DMRTA2: variants seen among roughly 807,000 people sequenced by gnomAD.
The protein encoded by DMRTA2 is doublesex- and mab-3-related transcription factor A2.
Under a neutral mutation model 29.7 loss-of-function variants are expected in DMRTA2, and 10 were observed. The ratio of observed to expected loss-of-function variants is 0.34; its 90% CI spans 0.21 to 0.57. The LOEUF (loss-of-function observed/expected upper bound fraction) is 0.57, where lower values mean the gene tolerates loss of function less well. Ranked by LOEUF, DMRTA2 falls within the 20% of genes least tolerant of loss-of-function variation. The probability of loss-of-function intolerance (pLI) is 0.87; values close to 1 mark genes in which losing one functional copy is unlikely to be tolerated. For synonymous variants in DMRTA2, 469 were observed against 402.6 expected, an observed-to-expected ratio of 1.16 and a Z score of -1.97; for missense variants, 783 against 812.1, an observed-to-expected ratio of 0.96 and a Z score of 0.44.
At position 50,421,426 on chromosome 1, in the gene DMRTA2, C is replaced by CGCCGCGGCT; in HGVS notation, c.102_110dup (p.Ala38_Ala40dup). ...CGCTCACCGGTAGCGATGCAGCGGC[C>CGCCGCGGCT]GCCGCGGCTGCCGCCACCGACGCCA... is the stretch of plus-strand genomic sequence containing the variant. On this transcript the variant is annotated inframe_insertion, in exon 2 of 3. Transcript: ENST00000404795. The surrounding 1 kb of genome is among the most constrained non-coding windows in gnomAD (Gnocchi z 8.7). The CGCCGCGGCT allele has an allele frequency of 2.9e-6, 4 of 1,356,960 alleles. No individual in the cohort carries two copies. The highest frequency in any genetic ancestry group is 3.8e-6 in the Non-Finnish European group (4 of 1,057,464). 84.1% of individuals were successfully genotyped at this position (1,356,960 alleles called of 1,614,324 possible).
chr1:50,418,631 GTT>G lies in DMRTA2; in HGVS notation c.*32_*33del. 7.3e-7 allele frequency: 1 copy of G among 1,366,264 alleles called. No homozygotes were observed. Among genetic ancestry groups the G allele is most frequent in the East Asian group, 3.1e-5 (1 of 32,780 alleles). 84.6% of individuals were successfully genotyped at this position (1,366,264 alleles called of 1,614,324 possible). A position where few individuals can be genotyped will look rare whatever the true frequency, so the allele number is the denominator to read the frequency against. On this transcript the variant is annotated 3_prime_UTR_variant, in exon 3 of 3. Transcript: ENST00000404795. ...CCGCGGGAACAGGGCTGGGGTTCCT[GTT>G]TGGGGACCGGCCGGCTGCCAGGCCC... is the stretch of plus-strand genomic sequence containing the variant.
At position 50,421,425 on chromosome 1, in the gene DMRTA2, C is replaced by A; in HGVS notation, c.112G>T (p.Ala38Ser). The stretch of plus-strand genomic sequence containing the variant: ...ACGCTCACCGGTAGCGATGCAGCGG[C>A]CGCCGCGGCTGCCGCCACCGACGCC... ...SVASVAAAAAAAASLPVSVAG... is the reference protein window; with the variant it reads ...SVASVAAAAASAASLPVSVAG... The change falls in exon 2 of 3, where the codon GCC becomes TCC. Residue 38 changes from alanine (A) to serine (S), a missense_variant. Ala to Ser is a moderately conservative substitution (Grantham distance 99). Coordinates refer to ENST00000404795, the MANE Select transcript of DMRTA2 (RefSeq NM_032110.3). This position sits in a 1 kb window ranked among gnomAD's most constrained non-coding sequence, Gnocchi z 8.7. 7.3e-7 allele frequency: 1 copy of A among 1,360,796 alleles called. No individual in the cohort carries two copies. Among genetic ancestry groups the A allele is most frequent in the Non-Finnish European group, 9.4e-7 (1 of 1,059,298 alleles). The allele number at this position is 1,360,796 out of a possible 1,614,324, so 84.3% of individuals were successfully genotyped here.
rs959796864 is a variant in DMRTA2 at position 50,422,338 on chromosome 1, T to G, written c.-9+778A>C. On this transcript the variant is annotated intron_variant, in intron 1 of 2. Coordinates refer to ENST00000404795, the MANE Select transcript of DMRTA2 (RefSeq NM_032110.3). This position sits in a 1 kb window ranked among gnomAD's most constrained non-coding sequence, Gnocchi z 5.7. The stretch of plus-strand genomic sequence containing the variant: ...AATTTAGCTTAGGACTGGGAAGTAT[T>G]AAAGAGAAAAATTCGGCCAAAGAAA... Among the ~76,000 whole-genome samples, 4 of 152,070 alleles carry G rather than the reference T, an allele frequency of 2.6e-5. No individual in the cohort carries two copies. Among genetic ancestry groups the G allele is most frequent in the Non-Finnish European group, 5.9e-5 (4 of 68,010 alleles).
rs1404005579 is a variant in DMRTA2, at chr1:50,422,590, G to A, written c.-9+526C>T. ...GTAGTCGGGGCGGAAGACGTATCCT[G>A]CGAAAAGTTAGGCATTTCGGGAGGG... On this transcript the variant is annotated intron_variant, in intron 1 of 2. Coordinates refer to ENST00000404795, the MANE Select transcript of DMRTA2 (RefSeq NM_032110.3). This position sits in a 1 kb window ranked among gnomAD's most constrained non-coding sequence, Gnocchi z 5.7. 1.3e-5 allele frequency among the ~76,000 whole-genome samples: 2 copies of A among 152,162 alleles called. No individual in the cohort carries two copies. Among genetic ancestry groups the A allele is most frequent in the Non-Finnish European group, 2.9e-5 (2 of 68,026 alleles).
At position 50,422,885 on chromosome 1, in the gene DMRTA2, C is replaced by G. The variant is rs888036035; in HGVS notation, c.-9+231G>C. Among the ~76,000 whole-genome samples, 2 of 152,224 alleles carry G rather than the reference C, an allele frequency of 1.3e-5. No homozygotes were observed. Among genetic ancestry groups the G allele is most frequent in the East Asian group, 3.9e-4 (2 of 5,180 alleles). On this transcript the variant is annotated intron_variant, in intron 1 of 2. Coordinates refer to ENST00000404795, the MANE Select transcript of DMRTA2 (RefSeq NM_032110.3). The surrounding 1 kb of genome is among the most constrained non-coding windows in gnomAD (Gnocchi z 5.7). ...CCATAAGGCCCAAGCAGGCCCAGCT[C>G]CCCGCTTCTGCCGCGGTCTCCTCTG...
chr1:50,418,323 G>T lies in DMRTA2; in HGVS notation c.*342C>A. On this transcript the variant is annotated 3_prime_UTR_variant, in exon 3 of 3. Transcript: ENST00000404795. Reference sequence around the variant, plus strand: ...CTGAGAGCCGGATGAGCACAGCTAAGGAGCCGCAGGAGCCTGCGCTGCTGT... The same window carrying T: ...CTGAGAGCCGGATGAGCACAGCTAATGAGCCGCAGGAGCCTGCGCTGCTGT... 4.6e-6 allele frequency: 1 copy of T among 219,616 alleles called. No individual in the cohort carries two copies. Among genetic ancestry groups the T allele is most frequent in the Non-Finnish European group, 8.9e-6 (1 of 112,692 alleles). 13.6% of individuals were successfully genotyped at this position (219,616 alleles called of 1,614,324 possible). A position where few individuals can be genotyped will look rare whatever the true frequency, so the allele number is the denominator to read the frequency against.
chr1:50,421,077 A>T lies in DMRTA2; in HGVS notation c.460T>A (p.Tyr154Asn). ...ANGIIPPRPA[Y>N]EVFGSVCAAD... is the part of the protein sequence containing the mutation. ...GCGCACACTGAACCGAAGACCTCGT[A>T]GGCGGGCCTCGGGGGGATGATGCCG... The change falls in exon 2 of 3, where the codon TAC becomes AAC. Residue 154 changes from tyrosine to asparagine, a missense_variant. Physicochemically the swap from Tyr to Asn is moderately radical, Grantham distance 143 (BLOSUM62 -2). Around this residue, in one of 3 missense-constraint regions of DMRTA2, gnomAD observed 667 missense variants for 624.8 expected, o/e 1.07. Transcript: ENST00000404795. This position sits in a 1 kb window ranked among gnomAD's most constrained non-coding sequence, Gnocchi z 8.7. 1 of 1,522,062 alleles carries T rather than the reference A, an allele frequency of 6.6e-7. No individual in the cohort carries two copies. Among genetic ancestry groups the T allele is most frequent in the Non-Finnish European group, 8.8e-7 (1 of 1,140,252 alleles). 94.3% of individuals were successfully genotyped at this position (1,522,062 alleles called of 1,614,324 possible). A position where few individuals can be genotyped will look rare whatever the true frequency, so the allele number is the denominator to read the frequency against.
In DMRTA2 at chr1:50,420,667, C is replaced by T. The variant is rs1646030397; in HGVS notation, c.559+311G>A. On this transcript the variant is annotated intron_variant, in intron 2 of 2. Transcript: ENST00000404795. This position sits in a 1 kb window ranked among gnomAD's most constrained non-coding sequence, Gnocchi z 4.1. Reference sequence around the variant, plus strand: ...GCGAACGAAGATGCGCAGGTTTCCACCTGGGGAGAAGACGAAGCAAAGAAG... The same window carrying T: ...GCGAACGAAGATGCGCAGGTTTCCATCTGGGGAGAAGACGAAGCAAAGAAG... Among the ~76,000 whole-genome samples the T allele has an allele frequency of 6.6e-6, 1 of 152,078 alleles. No homozygotes were observed. Among genetic ancestry groups the T allele is most frequent in the Non-Finnish European group, 1.5e-5 (1 of 68,008 alleles).
rs1316784810 is a variant in DMRTA2 at position 50,418,859 on chromosome 1, C to A, written c.1435G>T (p.Gly479Cys). The A allele has an allele frequency of 6.5e-7, 1 of 1,541,934 alleles. No individual in the cohort carries two copies. ...GAGTAGGGCGCCATGAAGGCCAGAC[C>A]GCGGCTGTGCGCCGCCGCCGCGGAG... ...AYSAAAAHSR[G>C]LAFMAPYSTA... Residue 479 changes from glycine (G) to cysteine (C), a missense_variant, in exon 3 of 3, where the codon GGT becomes TGT. Coordinates refer to ENST00000404795, the MANE Select transcript of DMRTA2 (RefSeq NM_032110.3).
rs1646007256 is a variant in DMRTA2 at position 50,418,707 on chromosome 1, G to A, written c.1587C>T (p.Gly529=). Residue 529 remains glycine, a synonymous_variant, in exon 3 of 3, where the codon GGC becomes GGT. Transcript: ENST00000404795. Reference sequence around the variant, plus strand: ...CGCCGTTGACCATAGGCCCGTACAGGCCGCCGCCGTAGGTCGGCTCCTTGT... The same window carrying A: ...CGCCGTTGACCATAGGCCCGTACAGACCGCCGCCGTAGGTCGGCTCCTTGT... ...AVHKEPTYGG[G]LYGPMVNGAP... 6.7e-7 allele frequency: 1 copy of A among 1,502,444 alleles called. No individual in the cohort carries two copies. The highest frequency in any genetic ancestry group is 8.8e-7 in the Non-Finnish European group (1 of 1,130,932). The allele number at this position is 1,502,444 out of a possible 1,614,324, so 93.1% of individuals were successfully genotyped here. A position where few individuals can be genotyped will look rare whatever the true frequency, so the allele number is the denominator to read the frequency against.
chr1:50,419,700 C>T lies in DMRTA2; in HGVS notation c.594G>A (p.Lys198=). 6.7e-7 allele frequency: 1 copy of T among 1,499,516 alleles called. No homozygotes were observed. The highest frequency in any genetic ancestry group is 8.9e-7 in the Non-Finnish European group (1 of 1,128,846). The allele number at this position is 1,499,516 out of a possible 1,614,324, so 92.9% of individuals were successfully genotyped here. ...CCGGGCGGCCTGCCTGCAGCAGCGT[C>T]TTAGGAAACAGGTCAAACTTCTGCA... ...AKLQKFDLFP[K]TLLQAGRPGS... Residue 198 remains lysine, a synonymous_variant, in exon 3 of 3, where the codon AAG becomes AAA. Transcript: ENST00000404795. The surrounding 1 kb of genome is among the most constrained non-coding windows in gnomAD (Gnocchi z 6.1).
At position 50,419,122 on chromosome 1, in the gene DMRTA2, G is replaced by C. The variant is rs1487178666; in HGVS notation, c.1172C>G (p.Ala391Gly). 1.7e-6 allele frequency: 2 copies of C among 1,194,824 alleles called. No individual in the cohort carries two copies. The highest frequency in any genetic ancestry group is 2.1e-6 in the Non-Finnish European group (2 of 969,292). 74.0% of individuals were successfully genotyped at this position (1,194,824 alleles called of 1,614,324 possible). Residue 391 changes from alanine (A) to glycine (G), a missense_variant, in exon 3 of 3, where the codon GCC becomes GGC. Ala to Gly is a moderately conservative substitution (Grantham distance 60). Transcript: ENST00000404795. This position sits in a 1 kb window ranked among gnomAD's most constrained non-coding sequence, Gnocchi z 6.1. ...CCCCCCGGCGGCGGCGGCGGCGGCG[G>C]CGGCGGCGTCGACGCGGCTGGGCCA... ...DAWPSRVDAA[A>G]AAAAAAGGPG...
rs1572735621 is a variant in DMRTA2, at chr1:50,421,751, C to T, written c.-8-207G>A. ...CTTCACCCCAGTCTGGCCATGGCTG[C>T]TCTTAGACCTGATATACACGCTAGG... On this transcript the variant is annotated intron_variant, in intron 1 of 2. Transcript: ENST00000404795. This position sits in a 1 kb window ranked among gnomAD's most constrained non-coding sequence, Gnocchi z 8.7. The T allele has an allele frequency of 2.4e-6, 1 of 418,394 alleles. No individual in the cohort carries two copies. The highest frequency in any genetic ancestry group is 4.1e-5 in the East Asian group (1 of 24,270). 25.9% of individuals were successfully genotyped at this position (418,394 alleles called of 1,614,324 possible).
Position 50,418,490 on chromosome 1 carries a change from C to T in DMRTA2, c.*175G>A. 2.2e-6 allele frequency: 1 copy of T among 457,190 alleles called. No individual in the cohort carries two copies. Among genetic ancestry groups the T allele is most frequent in the Non-Finnish European group, 3.6e-6 (1 of 278,758 alleles). 28.3% of individuals were successfully genotyped at this position (457,190 alleles called of 1,614,324 possible). On this transcript the variant is annotated 3_prime_UTR_variant, in exon 3 of 3. Transcript: ENST00000404795. The stretch of plus-strand genomic sequence containing the variant: ...ACCTGCACCTGTCTGTAGCTGCTCC[C>T]CCTTTGCTCAGCCTTCCCCACCCAC...
rs1296367872 is a variant in DMRTA2, at chr1:50,419,097, C to A, written c.1197G>T (p.Gly399=). ...CCTGCAGCGGCGCAGGCAGCCCAGG[C>A]CCCCCGGCGGCGGCGGCGGCGGCGG... ...AAAAAAAAAG[G]PGLPAPLQAG... Residue 399 remains glycine (G), a synonymous_variant, in exon 3 of 3, where the codon GGG becomes GGT. Coordinates refer to ENST00000404795, the MANE Select transcript of DMRTA2 (RefSeq NM_032110.3). The surrounding 1 kb of genome is among the most constrained non-coding windows in gnomAD (Gnocchi z 6.1). 5.0e-6 allele frequency: 6 copies of A among 1,205,588 alleles called. No individual in the cohort carries two copies. In the Admixed American group the frequency reaches 1.8e-4, roughly 37 times the overall value. 74.7% of individuals were successfully genotyped at this position (1,205,588 alleles called of 1,614,324 possible).
rs1646025817 is a variant in DMRTA2 at position 50,420,238 on chromosome 1, T to G, written c.560-504A>C. On this transcript the variant is annotated intron_variant, in intron 2 of 2. Transcript: ENST00000404795. The surrounding 1 kb of genome is among the most constrained non-coding windows in gnomAD (Gnocchi z 4.1). Reference sequence around the variant, plus strand: ...CAGGCAGAAGTACAGCCCCTGTTTCTAATCCACCCTTTCCAAAATTGAGAC... The same window carrying G: ...CAGGCAGAAGTACAGCCCCTGTTTCGAATCCACCCTTTCCAAAATTGAGAC... 6.6e-6 allele frequency among the ~76,000 whole-genome samples: 1 copy of G among 152,204 alleles called. No individual in the cohort carries two copies. The highest frequency in any genetic ancestry group is 2.1e-4 in the South Asian group (1 of 4,830).
rs1442480078 is a variant in DMRTA2 at position 50,422,696 on chromosome 1, C to G, written c.-9+420G>C. On this transcript the variant is annotated intron_variant, in intron 1 of 2. Transcript: ENST00000404795. The surrounding 1 kb of genome is among the most constrained non-coding windows in gnomAD (Gnocchi z 5.7). ...ACAGAGTCGTCAGACACGCCCTCCCCGTCTTGGGGTCCCAGGGGACCCCTC... is the reference window on the plus strand; with the variant it reads ...ACAGAGTCGTCAGACACGCCCTCCCGGTCTTGGGGTCCCAGGGGACCCCTC... Among the ~76,000 whole-genome samples the G allele has an allele frequency of 6.6e-6, 1 of 152,204 alleles. No homozygotes were observed. Among genetic ancestry groups the G allele is most frequent in the Non-Finnish European group, 1.5e-5 (1 of 68,026 alleles).
Position 50,422,269 on chromosome 1 carries a change from C to A in DMRTA2, c.-8-725G>T, listed in dbSNP as rs1345867521. Among the ~76,000 whole-genome samples, 1 of 152,142 alleles carries A rather than the reference C, an allele frequency of 6.6e-6. No individual in the cohort carries two copies. Among genetic ancestry groups the A allele is most frequent in the African/African-American group, 2.4e-5 (1 of 41,430 alleles). On this transcript the variant is annotated intron_variant, in intron 1 of 2. Coordinates refer to ENST00000404795, the MANE Select transcript of DMRTA2 (RefSeq NM_032110.3). The surrounding 1 kb of genome is among the most constrained non-coding windows in gnomAD (Gnocchi z 5.7). Reference sequence around the variant, plus strand: ...CGTAAAAATGTGAGCGCCAAAAGTTCCACGGTGAGGGCCTCCAGAGAGTGA... The same window carrying A: ...CGTAAAAATGTGAGCGCCAAAAGTTACACGGTGAGGGCCTCCAGAGAGTGA...
In DMRTA2 at chr1:50,418,340, C is replaced by T; in HGVS notation, c.*325G>A. On this transcript the variant is annotated 3_prime_UTR_variant, in exon 3 of 3. Coordinates refer to ENST00000404795, the MANE Select transcript of DMRTA2 (RefSeq NM_032110.3). Reference sequence around the variant, plus strand: ...ACAGCTAAGGAGCCGCAGGAGCCTGCGCTGCTGTCGCAGCCTCTGAATTCT... The same window carrying T: ...ACAGCTAAGGAGCCGCAGGAGCCTGTGCTGCTGTCGCAGCCTCTGAATTCT... 4.1e-6 allele frequency: 1 copy of T among 242,538 alleles called. No individual in the cohort carries two copies. Among genetic ancestry groups the T allele is most frequent in the Non-Finnish European group, 7.9e-6 (1 of 127,254 alleles). 15.0% of individuals were successfully genotyped at this position (242,538 alleles called of 1,614,324 possible).
Sources: allele counts gnomAD v4.1 joint callset (sites outside exome capture counted in the v4.1 genomes callset), GRCh38; gene constraint gnomAD v4.1.1; regional missense constraint gnomAD v4.1.1; non-coding constraint Gnocchi (gnomAD v3.1); transcripts MANE v1.5; gene names NCBI Gene and HGNC (gene_info 2026-07-23, HGNC 2026-07-21).